The following PRCD variants were observed in gnomAD, a reference collection of about 807,000 sequenced individuals.
The protein encoded by PRCD is photoreceptor disc component, also known as photoreceptor disk component PRCD.
Under a neutral mutation model 10.1 loss-of-function variants are expected in PRCD, and 12 were observed. The observed-to-expected ratio is 1.18, with a 90% CI of 0.76 to 1.92. The LOEUF is 1.92. Ranked by LOEUF, PRCD falls within the 40% of genes most tolerant of loss-of-function variation. PRCD has a pLI of 0.00. For missense variants in PRCD, 61 were observed against 72.2 expected (o/e 0.84, Z 0.56); for synonymous variants, 31 against 26.2 (o/e 1.18, Z -0.56).
At position 76,528,253 on chromosome 17, in the gene PRCD, G is replaced by T; in HGVS notation, n.45+420G>T. The T allele has an allele frequency of 2.5e-6, 1 of 399,216 alleles. No homozygotes were observed. The highest frequency in any genetic ancestry group is 1.3e-4 in the South Asian group (1 of 7,786). 24.7% of individuals were successfully genotyped at this position (399,216 alleles called of 1,614,324 possible). A position where few individuals can be genotyped will look rare whatever the true frequency, so the allele number is the denominator to read the frequency against. ...TGCTGGCCGGGCTGATAGAAACGGGGCTGGTTTATTCCCTAAGGGACTCCT... is the reference window on the plus strand; with the variant it reads ...TGCTGGCCGGGCTGATAGAAACGGGTCTGGTTTATTCCCTAAGGGACTCCT... On this transcript the variant is annotated intron_variant and non_coding_transcript_variant, in intron 1 of 4. Coordinates refer to the PRCD transcript ENST00000397633. This position sits in a 1 kb window ranked among gnomAD's most constrained non-coding sequence, Gnocchi z 5.8.
Position 76,528,724 on chromosome 17 carries a change from G to A in PRCD, n.45+891G>A, listed in dbSNP as rs983188669. On this transcript the variant is annotated intron_variant and non_coding_transcript_variant, in intron 1 of 4. Coordinates refer to the PRCD transcript ENST00000397633. This position sits in a 1 kb window ranked among gnomAD's most constrained non-coding sequence, Gnocchi z 5.8. ...AGGCTCACTTCCTGCCAAGAGATCC[G>A]GCACAGTGCAGTTGAAAGCAACCGT... 11 of 1,102,990 alleles carry A rather than the reference G, an allele frequency of 1.0e-5. No individual in the cohort carries two copies. Among genetic ancestry groups the A allele is most frequent in the Middle Eastern group, 3.1e-4 (1 of 3,216 alleles). The allele number at this position is 1,102,990 out of a possible 1,614,324, so 68.3% of individuals were successfully genotyped here.
In PRCD at chr17:76,530,041, C is replaced by T; in HGVS notation, n.45+2208C>T. 2.0e-6 allele frequency: 2 copies of T among 985,438 alleles called. No homozygotes were observed. Among genetic ancestry groups the T allele is most frequent in the Non-Finnish European group, 2.4e-6 (2 of 829,930 alleles). The allele number at this position is 985,438 out of a possible 1,614,324, so 61.0% of individuals were successfully genotyped here. A position where few individuals can be genotyped will look rare whatever the true frequency, so the allele number is the denominator to read the frequency against. On this transcript the variant is annotated intron_variant and non_coding_transcript_variant, in intron 1 of 4. Transcript: ENST00000397633. This position sits in a 1 kb window ranked among gnomAD's most constrained non-coding sequence, Gnocchi z 6.1. ...CTGTGCCTGTGAACAGAAGGGCCGGCAGTCTTGGGGGCCCGTGCAGAGCCC... is the reference window on the plus strand; with the variant it reads ...CTGTGCCTGTGAACAGAAGGGCCGGTAGTCTTGGGGGCCCGTGCAGAGCCC...
At chr17:76,537,441 G>A (rs370725343), upstream of PRCD, 12 of 1,598,852 alleles carry the variant, frequency 7.5e-6, no homozygotes, top group South Asian at 1.1e-5. Context: ...AGTTGGCATA[G>A]AGCCGGGCCC....
At chr17:76,542,156 C>T (rs770078649) in intron 2 of PRCD, among the ~76,000 whole-genome samples, 17 of 152,152 alleles carry the variant, frequency 1.1e-4, no homozygotes, top group African/African-American at 2.7e-4. Context: ...TGCTCAGGCC[C>T]GATTCCAGGC....
chr17:76,528,252 G>T lies in PRCD; in HGVS notation n.45+419G>T. On this transcript the variant is annotated intron_variant and non_coding_transcript_variant, in intron 1 of 4. Transcript: ENST00000397633. This position sits in a 1 kb window ranked among gnomAD's most constrained non-coding sequence, Gnocchi z 5.8. Reference sequence around the variant, plus strand: ...ATGCTGGCCGGGCTGATAGAAACGGGGCTGGTTTATTCCCTAAGGGACTCC... The same window carrying T: ...ATGCTGGCCGGGCTGATAGAAACGGTGCTGGTTTATTCCCTAAGGGACTCC... 1 of 399,148 alleles carries T rather than the reference G, an allele frequency of 2.5e-6. No individual in the cohort carries two copies. Among genetic ancestry groups the T allele is most frequent in the African/African-American group, 2.1e-5 (1 of 48,708 alleles). The allele number at this position is 399,148 out of a possible 1,614,324, so 24.7% of individuals were successfully genotyped here. A position where few individuals can be genotyped will look rare whatever the true frequency, so the allele number is the denominator to read the frequency against.
chr17:76,551,724 A>G (rs1489478811), intron 1 of PRCD: 1 of 152,176 alleles, frequency 6.6e-6, no homozygotes, highest in Non-Finnish European at 1.5e-5. Flanking sequence ...AGGTGGGTGA[A>G]TTAAAGTCTC....
downstream of PRCD, chr17:76,546,517 G>A (rs2075055701): frequency 6.6e-6 from 1 of 152,170 alleles, no homozygotes; most frequent in Admixed American, 6.6e-5. The surrounding 1 kb of genome is among the most constrained non-coding windows in gnomAD (Gnocchi z 4.5). Context: ...GGTGGGCCAA[G>A]ACTAGATGGG....
intron 1 of PRCD, among the ~76,000 whole-genome samples, chr17:76,534,509 G>A (rs190861163): frequency 1.9e-3 from 293 of 152,238 alleles, no homozygotes; most frequent in African/African-American, 3.9e-3. Context: ...ACAGCTAAGC[G>A]GGTATTACCT....
Position 76,540,556 on chromosome 17 carries a change from C to G in PRCD, c.126C>G (p.Asp42Glu). Residue 42 changes from aspartate to glutamate, a missense_variant, in exon 2 of 5, where the codon GAC becomes GAG. By Grantham distance (45) the Asp-to-Glu change is conservative (BLOSUM62 2). Coordinates refer to ENST00000592014, the MANE Select transcript of PRCD (RefSeq NM_001077620.3). The surrounding 1 kb of genome is among the most constrained non-coding windows in gnomAD (Gnocchi z 5.0). ...GAARGSSLDA[D>E]PQSSGREKEP... is the part of the protein sequence containing the mutation. ...CTAGGGGCAGCAGCTTGGATGCGGA[C>G]CCTCAGTCCTCAGGCAGGTAAGGCA... 5.0e-6 allele frequency: 8 copies of G among 1,613,452 alleles called. No homozygotes were observed. The highest frequency in any genetic ancestry group is 6.8e-6 in the Non-Finnish European group (8 of 1,179,894).
At chr17:76,537,624 C>A, upstream of PRCD, 1 of 981,970 alleles carries the variant, frequency 1.0e-6, no homozygotes, top group Non-Finnish European at 1.2e-6. Context: ...CGCCGGGAGC[C>A]GGGGCCGGCT....
Position 76,540,729 on chromosome 17 carries a change from C to G in PRCD, c.143+156C>G, listed in dbSNP as rs2074982604. 6.6e-6 allele frequency among the ~76,000 whole-genome samples: 1 copy of G among 152,238 alleles called. No homozygotes were observed. On this transcript the variant is annotated intron_variant, in intron 2 of 4. Coordinates refer to ENST00000592014, the MANE Select transcript of PRCD (RefSeq NM_001077620.3). This position sits in a 1 kb window ranked among gnomAD's most constrained non-coding sequence, Gnocchi z 5.0. ...CCCTGCTCCCTGTCCGCCTGCTGGG[C>G]AGGCTGGATGTCTGTTTTCTGCGGT...
chr17:76,531,383 C>G lies in PRCD; in HGVS notation n.45+3550C>G. On this transcript the variant is annotated intron_variant and non_coding_transcript_variant, in intron 1 of 4. Transcript: ENST00000397633. This position sits in a 1 kb window ranked among gnomAD's most constrained non-coding sequence, Gnocchi z 7.4. ...GGATCACCTCTGTTGCTCCAGAGAG[C>G]CGTCGCAGAGCCTGCGAGCTGCAGA... The G allele has an allele frequency of 6.6e-7, 1 of 1,514,258 alleles. No homozygotes were observed. The highest frequency in any genetic ancestry group is 9.0e-7 in the Non-Finnish European group (1 of 1,109,716). 93.8% of individuals were successfully genotyped at this position (1,514,258 alleles called of 1,614,324 possible). A position where few individuals can be genotyped will look rare whatever the true frequency, so the allele number is the denominator to read the frequency against.
At chr17:76,547,167 G>C (rs2075060419), downstream of PRCD, 1 of 152,338 alleles carries the variant, frequency 6.6e-6, no homozygotes, top group Non-Finnish European at 1.5e-5. Context: ...TTGCCTGCCA[G>C]GTGAGGGGGA....
upstream of PRCD, among the ~76,000 whole-genome samples, chr17:76,536,146 C>A (rs185650920): frequency 6.6e-6 from 1 of 152,316 alleles, no homozygotes; most frequent in Admixed American, 6.5e-5. Context: ...TGTTTCTGGG[C>A]TTGGGGGCTG....
chr17:76,527,717 C>T (rs1208274146), upstream of PRCD: 1 of 454,044 alleles, frequency 2.2e-6, no homozygotes, highest in East Asian at 6.9e-5. Context: ...CCCGGGGCTG[C>T]CCTGGTGGCC....
Position 76,530,041 on chromosome 17 carries a change from C to A in PRCD, n.45+2208C>A. The A allele has an allele frequency of 1.0e-6, 1 of 985,438 alleles. No individual in the cohort carries two copies. The highest frequency in any genetic ancestry group is 1.2e-6 in the Non-Finnish European group (1 of 829,930). The allele number at this position is 985,438 out of a possible 1,614,324, so 61.0% of individuals were successfully genotyped here. A position where few individuals can be genotyped will look rare whatever the true frequency, so the allele number is the denominator to read the frequency against. On this transcript the variant is annotated intron_variant and non_coding_transcript_variant, in intron 1 of 4. Coordinates refer to the PRCD transcript ENST00000397633. The surrounding 1 kb of genome is among the most constrained non-coding windows in gnomAD (Gnocchi z 6.1). The stretch of plus-strand genomic sequence containing the variant: ...CTGTGCCTGTGAACAGAAGGGCCGG[C>A]AGTCTTGGGGGCCCGTGCAGAGCCC...
chr17:76,548,849 CA>C (rs1445967464), downstream of PRCD, among the ~76,000 whole-genome samples: 1 of 152,206 alleles, frequency 6.6e-6, no homozygotes, highest in Non-Finnish European at 1.5e-5. Flanking sequence ...CACTTGACAA[CA>C]GGCAGCACAC....
intron 1 of PRCD, among the ~76,000 whole-genome samples, chr17:76,534,021 G>A (rs1264491528): frequency 1.3e-5 from 2 of 152,200 alleles, no homozygotes; most frequent in Non-Finnish European, 1.5e-5. Context: ...TTGGGTGACA[G>A]AGCAAGACCC....
chr17:76,528,403 G>T lies in PRCD; in HGVS notation n.45+570G>T. The T allele has an allele frequency of 1.9e-6, 1 of 534,832 alleles. No homozygotes were observed. The highest frequency in any genetic ancestry group is 2.9e-6 in the Non-Finnish European group (1 of 344,044). 33.1% of individuals were successfully genotyped at this position (534,832 alleles called of 1,614,324 possible). On this transcript the variant is annotated intron_variant and non_coding_transcript_variant, in intron 1 of 4. Coordinates refer to the PRCD transcript ENST00000397633. This position sits in a 1 kb window ranked among gnomAD's most constrained non-coding sequence, Gnocchi z 5.8. ...GGTCAGCATCCAGGCAGCCAGCGCC[G>T]CCTCCCAGCAGCTCCAGGGGGGGAC... is the stretch of plus-strand genomic sequence containing the variant.
Sources: allele counts gnomAD v4.1 joint callset (sites outside exome capture counted in the v4.1 genomes callset), GRCh38; gene constraint gnomAD v4.1.1; non-coding constraint Gnocchi (gnomAD v3.1); transcripts MANE v1.5; gene names NCBI Gene and HGNC (gene_info 2026-07-23, HGNC 2026-07-21).